The following PTPRD variants were observed in gnomAD, a reference collection of about 807,000 sequenced individuals.
The protein encoded by PTPRD is protein tyrosine phosphatase receptor type D, also known as receptor-type tyrosine-protein phosphatase delta.
A neutral mutation model predicts 214.5 loss-of-function variants in PTPRD; 34 were observed. The observed-to-expected ratio is 0.16, with a 90% CI of 0.12 to 0.21. PTPRD has a LOEUF of 0.21. Among genes scored for constraint, PTPRD ranks in the 10% least tolerant of loss-of-function variants. The probability of loss-of-function intolerance (pLI) is 1.00; values close to 1 mark genes in which losing one functional copy is unlikely to be tolerated. For synonymous variants in PTPRD, 1,128 were observed against 845.7 expected (o/e 1.33, Z -5.79); for missense variants, 2,545 against 2,398.7 (o/e 1.06, Z -1.27).
chr9:8,645,631 C>G (rs978294072), intron 12 of PTPRD, among the ~76,000 whole-genome samples: 8 of 151,660 alleles, frequency 5.3e-5, no homozygotes, highest in African/African-American at 1.9e-4. Context: ...CACTGACAGA[C>G]AGGAACAGAA....
At chr9:9,409,792 C>A (rs2074772333) in intron 8 of PTPRD, among the ~76,000 whole-genome samples, 1 of 151,948 alleles carries the variant, frequency 6.6e-6, no homozygotes. Context: ...GTCAGTATCT[C>A]AATGATTTTA....
intron 12 of PTPRD, among the ~76,000 whole-genome samples, chr9:8,672,518 T>C (rs1040526903): frequency 1.3e-5 from 2 of 152,176 alleles, no homozygotes; most frequent in Non-Finnish European, 2.9e-5. Context: ...CTAGGGTTCC[T>C]TGTAACACAC....
intron 3 of PTPRD, among the ~76,000 whole-genome samples, chr9:10,222,448 T>G (rs1470856222): frequency 6.6e-6 from 1 of 152,128 alleles, no homozygotes; most frequent in Non-Finnish European, 1.5e-5. Context: ...TAGCATCCTA[T>G]GTCTTTATTG....
At position 9,076,429 on chromosome 9, in the gene PTPRD, G is replaced by A. The variant is rs12350227; in HGVS notation, c.-142-57694C>T. 4.9e-3 allele frequency among the ~76,000 whole-genome samples: 743 copies of A among 151,620 alleles called. 10 individuals are homozygous for A. The highest frequency in any genetic ancestry group is 0.017 in the African/African-American group (692 of 41,450). On this transcript the variant is annotated intron_variant, in intron 10 of 45. Transcript: ENST00000381196. ...AGTGTTATTTTTGTACCCATTAACC[G>A]TCCCCTTTGCTCCCCTGTCTAGTAC...
chr9:9,397,735 A>G (rs983550607), intron 8 of PTPRD, among the ~76,000 whole-genome samples: 3 of 151,978 alleles, frequency 2.0e-5, no homozygotes, highest in Admixed American at 1.3e-4. Context: ...ATATATATGT[A>G]TTGCACCAAT....
At chr9:9,002,616 T>C (rs2099428671) in intron 11 of PTPRD, among the ~76,000 whole-genome samples, 1 of 152,062 alleles carries the variant, frequency 6.6e-6, no homozygotes, top group Admixed American at 6.6e-5. Context: ...TAATTTATAT[T>C]ACTTGATATT....
chr9:9,542,341 G>A (rs544091307), intron 8 of PTPRD, among the ~76,000 whole-genome samples: 2 of 151,688 alleles, frequency 1.3e-5, no homozygotes, highest in South Asian at 2.1e-4. Context: ...GGACCTGTAC[G>A]AAAAATTAAG....
At chr9:8,880,718 A>C (rs1425593302) in intron 11 of PTPRD, among the ~76,000 whole-genome samples, 1 of 152,172 alleles carries the variant, frequency 6.6e-6, no homozygotes, top group Non-Finnish European at 1.5e-5. Context: ...ATCCAAGCAC[A>C]AATAAATAGA....
At chr9:9,301,559 C>T (rs2134788476) in intron 9 of PTPRD, among the ~76,000 whole-genome samples, 1 of 151,972 alleles carries the variant, frequency 6.6e-6, no homozygotes, top group African/African-American at 2.4e-5. Context: ...TCTGTATTTA[C>T]ATAATTTGTC....
At position 9,058,150 on chromosome 9, in the gene PTPRD, A is replaced by G. The variant is rs78454228; in HGVS notation, c.-142-39415T>C. On this transcript the variant is annotated intron_variant, in intron 10 of 45. Coordinates refer to ENST00000381196, the MANE Select transcript of PTPRD (RefSeq NM_002839.4). ...AAATAAATAAGTATTTAAATATTGA[A>G]GACAGAATATAAAGAGGGAATTAGG... Among the ~76,000 whole-genome samples, 313 of 152,268 alleles carry G rather than the reference A, an allele frequency of 2.1e-3. 8 individuals are homozygous for G. The East Asian group carries it at 0.041, about 20-fold the overall frequency.
intron 14 of PTPRD, among the ~76,000 whole-genome samples, chr9:8,616,598 A>G (rs551912656): frequency 6.6e-6 from 1 of 152,258 alleles, no homozygotes; most frequent in East Asian, 1.9e-4. Flanking sequence ...GACAAATGTG[A>G]GAAACATTCA....
chr9:9,741,115 T>C (rs1478938966), intron 6 of PTPRD, among the ~76,000 whole-genome samples: 4 of 152,096 alleles, frequency 2.6e-5, no homozygotes, highest in Admixed American at 6.6e-5. Context: ...TATGAGGAAG[T>C]AGTAGAGGAA....
intron 12 of PTPRD, among the ~76,000 whole-genome samples, chr9:8,645,738 TGTTAG>T (rs950289185): frequency 7.5e-6 from 1 of 134,206 alleles, no homozygotes; most frequent in Non-Finnish European, 1.6e-5. Context: ...TTTCTATCAA[TGTTAG>T]GTTATTATTT....
chr9:9,869,675 A>G (rs1371261300), intron 5 of PTPRD, among the ~76,000 whole-genome samples: 1 of 152,122 alleles, frequency 6.6e-6, no homozygotes, highest in African/African-American at 2.4e-5. Context: ...ACCTGGGTGA[A>G]TGAGGATGGT....
intron 8 of PTPRD, among the ~76,000 whole-genome samples, chr9:9,405,360 A>G (rs1347987000): frequency 2.0e-5 from 3 of 152,070 alleles, no homozygotes; most frequent in African/African-American, 7.2e-5. Flanking sequence ...AGGGTTACCA[A>G]TTACCATAGA....
chr9:9,543,053 T>C (rs2077975008), intron 8 of PTPRD, among the ~76,000 whole-genome samples: 1 of 151,652 alleles, frequency 6.6e-6, no homozygotes, highest in African/African-American at 2.4e-5. Context: ...TTGAAAACAA[T>C]GCAAGTGCTC....
chr9:10,481,661 T>A (rs1369498931), intron 2 of PTPRD, among the ~76,000 whole-genome samples: 1 of 152,224 alleles, frequency 6.6e-6, no homozygotes, highest in Non-Finnish European at 1.5e-5. Flanking sequence ...GAACTTATTG[T>A]AAATACTCAG....
rs530955447 is a variant in PTPRD, at chr9:9,778,447, A to G, written c.-367-11596T>C. Among the ~76,000 whole-genome samples, 3 of 152,294 alleles carry G rather than the reference A, an allele frequency of 2.0e-5. No individual in the cohort carries two copies. In the East Asian group the frequency reaches 5.8e-4, roughly 29 times the overall value. ...GTTTGTGTGCTGGGCAGCTCCAGCA[A>G]AAAGTAGCCATAGACGCCCATCCCC... On this transcript the variant is annotated intron_variant, in intron 5 of 45. Coordinates refer to ENST00000381196, the MANE Select transcript of PTPRD (RefSeq NM_002839.4).
chr9:10,087,672 T>C (rs2098368331), intron 3 of PTPRD, among the ~76,000 whole-genome samples: 1 of 151,722 alleles, frequency 6.6e-6, no homozygotes, highest in African/African-American at 2.4e-5. Context: ...TTCATCTTGC[T>C]TTGAAGGTGG....
Sources: gnomAD v4.1 joint callset for allele counts (sites outside exome capture counted in the v4.1 genomes callset) on GRCh38, gnomAD v4.1.1 for gene constraint, MANE v1.5 for transcripts, NCBI Gene and HGNC (gene_info 2026-07-23, HGNC 2026-07-21) for gene names.